The following NCAPD3 variants were observed in gnomAD, a reference collection of about 807,000 sequenced individuals.
The protein encoded by NCAPD3 is non-SMC condensin II complex subunit D3, also known as condensin-2 complex subunit D3.
A neutral mutation model predicts 182.9 loss-of-function variants in NCAPD3; 105 were observed. The observed-to-expected ratio is 0.57, with a 90% CI of 0.49 to 0.68. The LOEUF (loss-of-function observed/expected upper bound fraction) is 0.68. Ranked by LOEUF, NCAPD3 falls within the 30% of genes least tolerant of loss-of-function variation. NCAPD3 has a pLI of 0.00. For synonymous variants in NCAPD3, 815 were observed against 679.9 expected, an observed-to-expected ratio of 1.20 and a Z score of -3.09; for missense variants, 1,944 against 1,837.0, an observed-to-expected ratio of 1.06 and a Z score of -1.07.
Position 134,192,900 on chromosome 11 carries a change from T to C in NCAPD3, c.1834A>G (p.Arg612Gly), listed in dbSNP as rs1376948909. 6.2e-7 allele frequency: 1 copy of C among 1,602,182 alleles called. No individual in the cohort carries two copies. Among genetic ancestry groups the C allele is most frequent in the East Asian group, 2.2e-5 (1 of 44,826 alleles). The change falls in exon 16 of 35, where the codon AGA (arginine) becomes GGA (glycine). Residue 612 changes from arginine (R) to glycine (G), a missense_variant. Arg to Gly is a moderately radical substitution (Grantham distance 125). Around this residue, in one of 3 missense-constraint regions of NCAPD3, gnomAD observed 1,803 missense variants for 1,674.6 expected, o/e 1.08. Transcript: ENST00000534548. ...CAGGCTTTCTGGATCTGCACGCATCTAGGCTGAGCCTTAGGAGTGAAAGAT... is the reference window on the plus strand; with the variant it reads ...CAGGCTTTCTGGATCTGCACGCATCCAGGCTGAGCCTTAGGAGTGAAAGAT... ...SLTELLMAQP[R>G]CVQIQKAWLR...
At position 134,184,985 on chromosome 11, in the gene NCAPD3, A is replaced by G. The variant is rs1304793436; in HGVS notation, c.2253T>C (p.Asn751=). The G allele has an allele frequency of 6.2e-7, 1 of 1,613,054 alleles. No homozygotes were observed. The highest frequency in any genetic ancestry group is 1.7e-5 in the Admixed American group (1 of 59,988). ...AGAGAATATGTCCTAAGGTGTTTGA[A>G]TTGGGATTCTGCTGACTAGAGAAAG... The part of the protein sequence containing the change: ...WEKISSQQNP[N]SNTLGHILCV... The change falls in exon 18 of 35, where the codon AAT becomes AAC. Residue 751 remains asparagine, a synonymous_variant. Coordinates refer to ENST00000534548, the MANE Select transcript of NCAPD3 (RefSeq NM_015261.3).
Position 134,178,824 on chromosome 11 carries a change from T to C in NCAPD3, c.2672A>G (p.His891Arg). Reference protein sequence around the residue: ...SVLASSADADHSPSSQGSSEA... With the variant: ...SVLASSADADRSPSSQGSSEA... ...GAGTATGATTTCAAATGCCTTACAG[T>C]GGTCAGCATCAGCAGACGAAGCCAG... is the stretch of plus-strand genomic sequence containing the variant. The change falls in exon 21 of 35, where the codon CAC (histidine) becomes CGC (arginine). Residue 891 changes from histidine to arginine, a missense_variant and splice_region_variant. Coordinates refer to ENST00000534548, the MANE Select transcript of NCAPD3 (RefSeq NM_015261.3). 1 of 1,614,008 alleles carries C rather than the reference T, an allele frequency of 6.2e-7. No homozygotes were observed. Among genetic ancestry groups the C allele is most frequent in the Non-Finnish European group, 8.5e-7 (1 of 1,179,902 alleles).
chr11:134,185,409 C>A lies in NCAPD3; in HGVS notation c.2163G>T (p.Leu721=). The stretch of plus-strand genomic sequence containing the variant: ...GTGAGGAGCCAGCAATCTTGGAGAG[C>A]AGCATCCAGGCAGGTGCCGAATGTT... ...GTEHSAPAWM[L]LSKIAGSSPR... is the part of the protein sequence containing the mutation. The change falls in exon 17 of 35, where the codon CTG becomes CTT. Residue 721 remains leucine (L), a synonymous_variant. Coordinates refer to ENST00000534548, the MANE Select transcript of NCAPD3 (RefSeq NM_015261.3). The A allele has an allele frequency of 6.2e-7, 1 of 1,614,064 alleles. No homozygotes were observed. Among genetic ancestry groups the A allele is most frequent in the Non-Finnish European group, 8.5e-7 (1 of 1,179,986 alleles).
chr11:134,173,709 T>C (rs1196643913), intron 24 of NCAPD3: 3 of 152,776 alleles, frequency 2.0e-5, no homozygotes, highest in East Asian at 3.9e-4. Flanking sequence ...ACTGGTACCT[T>C]TTCCCACCCC....
intron 13 of NCAPD3, among the ~76,000 whole-genome samples, chr11:134,198,914 C>T (rs1223533508): frequency 4.6e-5 from 7 of 152,076 alleles, no homozygotes; most frequent in Non-Finnish European, 7.4e-5. Flanking sequence ...TCACTGAAAA[C>T]TACAAAACAT....
chr11:134,197,524 G>A (rs184935122), intron 13 of NCAPD3, among the ~76,000 whole-genome samples: 10 of 152,126 alleles, frequency 6.6e-5, no homozygotes, highest in African/African-American at 1.4e-4. Flanking sequence ...TAATCCATCC[G>A]CCTTGGCCTC....
At chr11:134,205,880 G>A (rs893826199) in intron 8 of NCAPD3, among the ~76,000 whole-genome samples, 10 of 152,102 alleles carry the variant, frequency 6.6e-5, no homozygotes, top group East Asian at 3.9e-4. Context: ...ACAAGATGAC[G>A]TCATACACAC....
Position 134,216,988 on chromosome 11 carries a change from T to C in NCAPD3, c.330A>G (p.Arg110=). 1 of 1,613,966 alleles carries C rather than the reference T, an allele frequency of 6.2e-7. No homozygotes were observed. Among genetic ancestry groups the C allele is most frequent in the Non-Finnish European group, 8.5e-7 (1 of 1,179,970 alleles). Residue 110 remains arginine, a synonymous_variant, in exon 3 of 35, where the codon CGA becomes CGG. Coordinates refer to ENST00000534548, the MANE Select transcript of NCAPD3 (RefSeq NM_015261.3). ...VHKKNVSVQY[R]EYGLHAAGLY... is the part of the protein sequence containing the mutation. Reference sequence around the variant, plus strand: ...GCCCAGCGGCATGAAGGCCATATTCTCGATACTGTACACTGACATTCTTCT... The same window carrying C: ...GCCCAGCGGCATGAAGGCCATATTCCCGATACTGTACACTGACATTCTTCT...
At chr11:134,174,164 G>A (rs529355109) in intron 24 of NCAPD3, among the ~76,000 whole-genome samples, 1 of 152,034 alleles carries the variant, frequency 6.6e-6, no homozygotes, top group East Asian at 1.9e-4. Flanking sequence ...GCCGAGGTGG[G>A]TAGATTGCCT....
Position 134,152,131 on chromosome 11 carries a change from G to A in NCAPD3, c.*813C>T, listed in dbSNP as rs567153973. On this transcript the variant is annotated 3_prime_UTR_variant, in exon 35 of 35. Coordinates refer to ENST00000534548, the MANE Select transcript of NCAPD3 (RefSeq NM_015261.3). Reference sequence around the variant, plus strand: ...TTCAGTTTACCCACTAGTGCTAACAGAAGAGACTCAAGCTGTTCCCCCATC... The same window carrying A: ...TTCAGTTTACCCACTAGTGCTAACAAAAGAGACTCAAGCTGTTCCCCCATC... The A allele has an allele frequency of 2.8e-4, 43 of 152,390 alleles. No individual in the cohort carries two copies. Among genetic ancestry groups the A allele is most frequent in the Admixed American group, 2.5e-3 (38 of 15,306 alleles). 9.4% of individuals were successfully genotyped at this position (152,390 alleles called of 1,614,324 possible). A position where few individuals can be genotyped will look rare whatever the true frequency, so the allele number is the denominator to read the frequency against.
chr11:134,205,308 G>A (rs1301897672), intron 8 of NCAPD3, among the ~76,000 whole-genome samples: 1 of 151,942 alleles, frequency 6.6e-6, no homozygotes, highest in East Asian at 1.9e-4. Flanking sequence ...CTAAGACACA[G>A]TACCACCTCA....
chr11:134,161,976 C>A (rs1212049495), intron 27 of NCAPD3, 85 bp from the exon 28 acceptor site: 1 of 642,880 alleles, frequency 1.6e-6, no homozygotes, highest in Non-Finnish European at 2.7e-6. Context: ...TGAGTAGAGC[C>A]ACCCTACCAC....
upstream of NCAPD3, chr11:134,224,346 A>G: frequency 3.6e-6 from 1 of 277,500 alleles, no homozygotes; most frequent in Non-Finnish European, 7.0e-6. Flanking sequence ...TCCCGTCAGC[A>G]CTCGAACAGC....
intron 11 of NCAPD3, 59 bp downstream of exon 11, chr11:134,203,595 C>A (rs1944792444): frequency 6.3e-7 from 1 of 1,575,496 alleles, no homozygotes; most frequent in Admixed American, 1.7e-5. Flanking sequence ...GATTCCCTTG[C>A]AGTCTATTTC....
chr11:134,156,995 A>G, intron 32 of NCAPD3, 23 bp downstream of exon 32: 1 of 1,586,874 alleles, frequency 6.3e-7, no homozygotes, highest in Non-Finnish European at 8.6e-7. Flanking sequence ...GGAGAAGCCC[A>G]CGTGTTCCGA....
chr11:134,167,194 G>A (rs1410682886), intron 27 of NCAPD3, among the ~76,000 whole-genome samples: 1 of 131,694 alleles, frequency 7.6e-6, no homozygotes, highest in Non-Finnish European at 1.6e-5. Flanking sequence ...CTCGTGAGAT[G>A]AGCTTAGGGA....
chr11:134,221,075 C>A (rs958887324), intron 1 of NCAPD3, among the ~76,000 whole-genome samples: 4 of 152,146 alleles, frequency 2.6e-5, no homozygotes, highest in Admixed American at 1.3e-4. Context: ...AGATTGCCCA[C>A]GAGGTTCCTT....
At chr11:134,197,685 A>G (rs1275721883) in intron 13 of NCAPD3, among the ~76,000 whole-genome samples, 1 of 152,258 alleles carries the variant, frequency 6.6e-6, no homozygotes, top group African/African-American at 2.4e-5. Flanking sequence ...AAATCCAGCA[A>G]GATACAACCA....
At chr11:134,183,989 A>G (rs1591841351) in intron 19 of NCAPD3, among the ~76,000 whole-genome samples, 1 of 152,314 alleles carries the variant, frequency 6.6e-6, no homozygotes, top group South Asian at 2.1e-4. Flanking sequence ...GATTGGTACT[A>G]AGAGTATATC....
Sources: gnomAD v4.1 joint callset for allele counts (sites outside exome capture counted in the v4.1 genomes callset) on GRCh38, gnomAD v4.1.1 for gene constraint, gnomAD v4.1.1 regional missense constraint, MANE v1.5 for transcripts, NCBI Gene and HGNC (gene_info 2026-07-23, HGNC 2026-07-21) for gene names.